BNC2: variants seen among roughly 807,000 people sequenced by gnomAD.
BNC2 encodes basonuclin zinc finger protein 2.
In BNC2, 20 loss-of-function variants were observed where a neutral mutation model predicts 76.3. That is an observed-to-expected ratio of 0.26 (90% confidence interval 0.18 to 0.38). BNC2 has a LOEUF of 0.38. BNC2 is among the 10% of genes least tolerant of loss of function. BNC2 has a pLI of 1.00. For missense variants in BNC2, 1,382 were observed against 1,399.8 expected (o/e 0.99, Z 0.20); for synonymous variants, 582 against 514.8 (o/e 1.13, Z -1.77).
chr9:16,726,701 A>T (rs150029682), intron 3 of BNC2: 81 of 152,288 alleles, frequency 5.3e-4, no homozygotes, highest in African/African-American at 1.9e-3. Context: ...TATCAAACTA[A>T]CTTGCTTTGT....
At chr9:16,684,127 C>T (rs1822908194) in intron 3 of BNC2, among the ~76,000 whole-genome samples, 1 of 151,960 alleles carries the variant, frequency 6.6e-6, no homozygotes, top group Non-Finnish European at 1.5e-5. Flanking sequence ...ATCTGCAAAA[C>T]CCAATTTTCT....
chr9:16,593,727 T>G (rs1333015976), intron 3 of BNC2, among the ~76,000 whole-genome samples: 2 of 152,136 alleles, frequency 1.3e-5, no homozygotes, highest in Non-Finnish European at 2.9e-5. Context: ...TACAGGCTAC[T>G]TAGGCAGCTG....
chr9:16,840,802 C>G (rs1818805913), intron 1 of BNC2, among the ~76,000 whole-genome samples: 2 of 152,198 alleles, frequency 1.3e-5, no homozygotes, highest in South Asian at 2.1e-4. Context: ...GAGCCTACAA[C>G]TGCTCATCAG....
intron 5 of BNC2, among the ~76,000 whole-genome samples, chr9:16,496,330 G>C (rs1034718736): frequency 2.0e-5 from 3 of 152,162 alleles, no homozygotes; most frequent in African/African-American, 4.8e-5. Context: ...AGAATTCGGA[G>C]TCTACATTTT....
chr9:16,726,228 G>A (rs10756794), intron 3 of BNC2, among the ~76,000 whole-genome samples: 107,443 of 152,056 alleles, frequency 0.71, 38,066 homozygotes, highest in Non-Finnish European at 0.74. Context: ...TTGAAAGAAT[G>A]GGAAATTGCA....
chr9:16,832,372 A>G, intron 1 of BNC2: 1 of 1,190,174 alleles, frequency 8.4e-7, no homozygotes, highest in South Asian at 1.5e-5. Context: ...AACAGAGAAC[A>G]CAATATGTTT....
intron 5 of BNC2, among the ~76,000 whole-genome samples, chr9:16,534,134 A>G (rs956725968): frequency 6.6e-6 from 1 of 152,262 alleles, no homozygotes; most frequent in South Asian, 2.1e-4. Flanking sequence ...CAATGCAAAG[A>G]GCTCTAGATG....
At chr9:16,463,367 G>A (rs573462110) in intron 5 of BNC2, among the ~76,000 whole-genome samples, 2 of 132,396 alleles carry the variant, frequency 1.5e-5, no homozygotes, top group Non-Finnish European at 3.0e-5. Flanking sequence ...CGGGATCTCG[G>A]CTCACTGCAA....
chr9:16,786,659 C>T (rs952455102), intron 1 of BNC2, among the ~76,000 whole-genome samples: 9 of 152,320 alleles, frequency 5.9e-5, no homozygotes, highest in Middle Eastern at 3.4e-3. Flanking sequence ...AGAACTCCCT[C>T]TCTAGCTCTG....
chr9:16,456,643 A>G (rs567538968), intron 5 of BNC2, among the ~76,000 whole-genome samples: 2 of 152,146 alleles, frequency 1.3e-5, no homozygotes, highest in South Asian at 2.1e-4. Flanking sequence ...TTTCTCCCCA[A>G]ATGCTCTGGC....
intron 3 of BNC2, among the ~76,000 whole-genome samples, chr9:16,621,000 T>G (rs1221367862): frequency 1.3e-5 from 2 of 152,170 alleles, no homozygotes; most frequent in Admixed American, 6.6e-5. Flanking sequence ...TCCGCTGTTG[T>G]CACAGAGCCA....
chr9:16,460,954 A>C (rs1302877501), intron 5 of BNC2, among the ~76,000 whole-genome samples: 2 of 151,980 alleles, frequency 1.3e-5, no homozygotes, highest in Non-Finnish European at 2.9e-5. Flanking sequence ...TCCTACATCT[A>C]GAAATATGAC....
chr9:16,690,585 A>G (rs546136679), intron 3 of BNC2, among the ~76,000 whole-genome samples: 3 of 152,328 alleles, frequency 2.0e-5, no homozygotes, highest in Non-Finnish European at 4.4e-5. Context: ...CAAGGATGGA[A>G]TGACCAGAAA....
chr9:16,578,853 G>C (rs1819555173), intron 4 of BNC2, among the ~76,000 whole-genome samples: 1 of 152,136 alleles, frequency 6.6e-6, no homozygotes, highest in Non-Finnish European at 1.5e-5. Context: ...AAAAAATATA[G>C]TATTTATAGT....
chr9:16,791,947 C>T (rs113610701), intron 1 of BNC2, among the ~76,000 whole-genome samples: 1 of 151,872 alleles, frequency 6.6e-6, no homozygotes, highest in Non-Finnish European at 1.5e-5. Context: ...TATCAAAATA[C>T]AAAAATTAGC....
At chr9:16,496,441 T>C (rs912600569) in intron 5 of BNC2, among the ~76,000 whole-genome samples, 1 of 152,186 alleles carries the variant, frequency 6.6e-6, no homozygotes, top group African/African-American at 2.4e-5. Flanking sequence ...ATTGTGACAA[T>C]GACAAATATT....
intron 5 of BNC2, among the ~76,000 whole-genome samples, chr9:16,442,763 C>A (rs1252229331): frequency 6.6e-6 from 1 of 152,140 alleles, no homozygotes; most frequent in South Asian, 2.1e-4. Flanking sequence ...GGAAGAAACA[C>A]TGGACGCAGC....
intron 1 of BNC2, among the ~76,000 whole-genome samples, chr9:16,853,069 G>A (rs193235689): frequency 6.6e-6 from 1 of 152,316 alleles, no homozygotes; most frequent in Non-Finnish European, 1.5e-5. Flanking sequence ...TAGTCTTCTA[G>A]GAGTAGTGGG....
intron 5 of BNC2, among the ~76,000 whole-genome samples, chr9:16,516,464 T>C (rs1817443850): frequency 6.6e-6 from 1 of 152,140 alleles, no homozygotes; most frequent in Non-Finnish European, 1.5e-5. Context: ...AGACCTTCTA[T>C]ACCAACTGAG....
Sources: gnomAD v4.1 joint callset for allele counts (sites outside exome capture counted in the v4.1 genomes callset) on GRCh38, gnomAD v4.1.1 for gene constraint, MANE v1.5 for transcripts, NCBI Gene and HGNC (gene_info 2026-07-23, HGNC 2026-07-21) for gene names.